The following RASA3 variants were observed in gnomAD, a reference collection of about 807,000 sequenced individuals.
The protein encoded by RASA3 is RAS p21 protein activator 3, also known as ras GTPase-activating protein 3.
In RASA3, 73 loss-of-function variants were observed where a neutral mutation model predicts 110.0. The observed-to-expected ratio is 0.66, with a 90% CI of 0.55 to 0.81. RASA3 has a LOEUF of 0.81. RASA3 is among the 30% of genes least tolerant of loss of function. The pLI is 0.00. For synonymous variants in RASA3, 500 were observed against 451.4 expected, an observed-to-expected ratio of 1.11 and a Z score of -1.37; for missense variants, 976 against 1,113.2, an observed-to-expected ratio of 0.88 and a Z score of 1.75.
chr13:114,083,308 G>A (rs1397312269), intron 1 of RASA3, among the ~76,000 whole-genome samples: 1 of 152,228 alleles, frequency 6.6e-6, no homozygotes, highest in Admixed American at 6.5e-5. Flanking sequence ...TTGTTCAAAC[G>A]TGAGCTCAAT....
intron 4 of RASA3, among the ~76,000 whole-genome samples, chr13:114,030,519 G>C (rs1054970382): frequency 1.7e-5 from 2 of 118,206 alleles, no homozygotes; most frequent in African/African-American, 6.1e-5. Context: ...CTCACACAGA[G>C]AGCAAGACTC....
Position 114,021,491 on chromosome 13 carries a change from G to A in RASA3, c.698C>T (p.Ala233Val), listed in dbSNP as rs1397998245. 5.0e-6 allele frequency: 8 copies of A among 1,613,750 alleles called. No individual in the cohort carries two copies. Among genetic ancestry groups the A allele is most frequent in the Non-Finnish European group, 5.1e-6 (6 of 1,179,982 alleles). The change falls in exon 9 of 24, where the codon GCC (alanine) becomes GTC (valine). Residue 233 changes from alanine (A) to valine (V), a missense_variant. Physicochemically the swap from Ala to Val is moderately conservative, Grantham distance 64. Transcript: ENST00000334062. Reference protein sequence around the residue: ...KLEIRVDLWNASNLKFGDEFL... With the variant: ...KLEIRVDLWNVSNLKFGDEFL... ...TTCATCTCCAAACTTCAGGTTACTG[G>A]CATTCCAGAGGTCAACTCTGAAAAA... is the stretch of plus-strand genomic sequence containing the variant.
At chr13:114,059,477 G>A (rs899194574) in intron 2 of RASA3, among the ~76,000 whole-genome samples, 3 of 152,256 alleles carry the variant, frequency 2.0e-5, no homozygotes, top group South Asian at 2.1e-4. Context: ...GGGCCTTGCC[G>A]GGGGAAGCAC....
chr13:114,016,399 C>A (rs2053792888), intron 12 of RASA3, 128 bp from the exon 13 acceptor site: 1 of 717,362 alleles, frequency 1.4e-6, no homozygotes, highest in Non-Finnish European at 2.5e-6. Flanking sequence ...CACGACAGCT[C>A]CCCGAACCCG....
At chr13:114,077,039 C>A (rs963993877) in intron 1 of RASA3, among the ~76,000 whole-genome samples, 3 of 151,616 alleles carry the variant, frequency 2.0e-5, no homozygotes, top group Non-Finnish European at 4.4e-5. Flanking sequence ...CTGTAAGTTC[C>A]TGTGTTTCTT....
At chr13:114,059,542 C>T (rs2079302228) in intron 2 of RASA3, among the ~76,000 whole-genome samples, 1 of 152,248 alleles carries the variant, frequency 6.6e-6, no homozygotes, top group Admixed American at 6.5e-5. Context: ...GAGGCCAGTT[C>T]CCTCATCTCT....
At chr13:114,055,038 G>A (rs1266376766) in intron 2 of RASA3, among the ~76,000 whole-genome samples, 1 of 152,030 alleles carries the variant, frequency 6.6e-6, no homozygotes. Context: ...GTGTGGGTGT[G>A]TGCATGCATG....
intron 2 of RASA3, among the ~76,000 whole-genome samples, chr13:114,060,518 T>C (rs940098802): frequency 6.6e-6 from 1 of 152,166 alleles, no homozygotes; most frequent in Non-Finnish European, 1.5e-5. Context: ...CAAATCCTGG[T>C]TGTCCTCATG....
At chr13:114,074,360 G>A (rs533213857) in intron 1 of RASA3, among the ~76,000 whole-genome samples, 2 of 152,124 alleles carry the variant, frequency 1.3e-5, no homozygotes, top group Admixed American at 1.3e-4. Context: ...GCCTCACGTC[G>A]GCGGGATCCA....
intron 2 of RASA3, among the ~76,000 whole-genome samples, chr13:114,071,450 T>C (rs980109589): frequency 6.6e-6 from 1 of 152,162 alleles, no homozygotes; most frequent in Non-Finnish European, 1.5e-5. Flanking sequence ...CCAGTAATTC[T>C]CCAGGCCCAC....
At chr13:114,009,325 A>G in intron 17 of RASA3, 62 bp downstream of exon 17, 1 of 1,350,402 alleles carries the variant, frequency 7.4e-7, no homozygotes, top group Non-Finnish European at 1.0e-6. Flanking sequence ...TCTCAATTTT[A>G]AAAGAGAACT....
chr13:114,037,796 G>A (rs1175339015), intron 4 of RASA3, among the ~76,000 whole-genome samples: 1 of 152,200 alleles, frequency 6.6e-6, no homozygotes, highest in Admixed American at 6.5e-5. Flanking sequence ...CTGCACAAAC[G>A]TCGGCGTCCT....
intron 4 of RASA3, among the ~76,000 whole-genome samples, chr13:114,037,573 G>A (rs2054301748): frequency 6.6e-6 from 1 of 152,188 alleles, no homozygotes; most frequent in Non-Finnish European, 1.5e-5. Context: ...GATGAAAGGA[G>A]CTCTAGAGAT....
chr13:114,024,562 C>T (rs2053992651), intron 7 of RASA3, among the ~76,000 whole-genome samples: 2 of 152,286 alleles, frequency 1.3e-5, no homozygotes, highest in Admixed American at 1.3e-4. Context: ...CCTGGAGGGG[C>T]AGACCCAGGT....
In RASA3 at chr13:113,978,975, C is replaced by T; in HGVS notation, c.*372G>A. 1 of 299,382 alleles carries T rather than the reference C, an allele frequency of 3.3e-6. No individual in the cohort carries two copies. Among genetic ancestry groups the T allele is most frequent in the South Asian group, 3.9e-5 (1 of 25,758 alleles). The allele number at this position is 299,382 out of a possible 1,614,324, so 18.5% of individuals were successfully genotyped here. ...AAGACAGACGTGCACGAGACTGACGCACACACGGCCGGAGGTGCATGTCAC... is the reference window on the plus strand; with the variant it reads ...AAGACAGACGTGCACGAGACTGACGTACACACGGCCGGAGGTGCATGTCAC... On this transcript the variant is annotated 3_prime_UTR_variant, in exon 24 of 24. Transcript: ENST00000334062.
Position 114,096,817 on chromosome 13 carries a change from C to T in RASA3, c.56-22980G>A, listed in dbSNP as rs1433903115. 3.9e-5 allele frequency among the ~76,000 whole-genome samples: 6 copies of T among 152,176 alleles called. No homozygotes were observed. Among genetic ancestry groups the T allele is most frequent in the East Asian group, 1.9e-4 (1 of 5,200 alleles). On this transcript the variant is annotated intron_variant, in intron 1 of 23. Transcript: ENST00000334062. The surrounding 1 kb of genome is among the most constrained non-coding windows in gnomAD (Gnocchi z 5.1). Reference sequence around the variant, plus strand: ...CTCTGGAGCCCCTACAAGCAACGTCCGTCTGTGTCCAGGCCGATCTCGCTG... The same window carrying T: ...CTCTGGAGCCCCTACAAGCAACGTCTGTCTGTGTCCAGGCCGATCTCGCTG...
At chr13:113,992,390 C>G (rs1014461310) in intron 22 of RASA3, 95 bp downstream of exon 22, 1 of 961,722 alleles carries the variant, frequency 1.0e-6, no homozygotes, top group African/African-American at 1.6e-5. Flanking sequence ...ACCAGAGGCT[C>G]AGACCACAGG....
intron 1 of RASA3, among the ~76,000 whole-genome samples, chr13:114,081,421 C>T (rs1382396227): frequency 9.8e-5 from 15 of 152,330 alleles, no homozygotes; most frequent in African/African-American, 2.2e-4. Flanking sequence ...AAATGCTGTC[C>T]GCAGACCACG....
At chr13:113,984,256 T>A (rs976055165) in intron 22 of RASA3, among the ~76,000 whole-genome samples, 1 of 111,424 alleles carries the variant, frequency 9.0e-6, no homozygotes. Flanking sequence ...TACTCACCCA[T>A]CTGTCCATCC....
Sources: gnomAD v4.1 joint callset for allele counts (sites outside exome capture counted in the v4.1 genomes callset) on GRCh38, gnomAD v4.1.1 for gene constraint, Gnocchi (gnomAD v3.1) non-coding constraint, MANE v1.5 for transcripts, NCBI Gene and HGNC (gene_info 2026-07-23, HGNC 2026-07-21) for gene names.